The following EPM2A variants were observed in gnomAD, a reference collection of about 807,000 sequenced individuals.
The protein encoded by EPM2A is EPM2A glucan phosphatase, laforin.
In EPM2A, 21 loss-of-function variants were observed where a neutral mutation model predicts 26.5. The ratio of observed to expected loss-of-function variants is 0.79; its 90% CI spans 0.56 to 1.14. The LOEUF is 1.14. Ranked by LOEUF, EPM2A falls within the 50% of genes most tolerant of loss-of-function variation. EPM2A has a pLI of 0.00. For missense variants in EPM2A, 458 were observed against 440.8 expected (o/e 1.04, Z -0.35); for synonymous variants, 217 against 177.6 (o/e 1.22, Z -1.76).
downstream of EPM2A, among the ~76,000 whole-genome samples, chr6:145,624,754 CTCCTT>C (rs780555496): frequency 3.4e-4 from 51 of 152,188 alleles, no homozygotes; most frequent in Non-Finnish European, 6.0e-4. Flanking sequence ...TTTCAAATCT[CTCCTT>C]TCATTACTTT....
At chr6:145,630,929 G>A (rs1582921980) in intron 3 of EPM2A, 1 of 152,322 alleles carries the variant, frequency 6.6e-6, no homozygotes, top group African/African-American at 2.4e-5. Context: ...AACTCAGCCA[G>A]TGTGACTCTG....
At chr6:145,565,130 A>T (rs1051727087) in intron 2 of EPM2A, among the ~76,000 whole-genome samples, 2 of 152,050 alleles carry the variant, frequency 1.3e-5, no homozygotes, top group Non-Finnish European at 2.9e-5. Context: ...TGCTTTGTGG[A>T]GTGTCTCTTC....
chr6:145,688,407 T>C (rs1448768513), intron 1 of EPM2A, among the ~76,000 whole-genome samples: 1 of 152,172 alleles, frequency 6.6e-6, no homozygotes, highest in Non-Finnish European at 1.5e-5. Flanking sequence ...CAATGCCTCT[T>C]AAGCTTCTAG....
At chr6:145,627,874 C>T in intron 3 of EPM2A, 181 bp from the exon 4 acceptor site, 4 of 832,578 alleles carry the variant, frequency 4.8e-6, no homozygotes, top group African/African-American at 1.7e-5. Context: ...CTGCTAATAG[C>T]AAAGTGGAAA....
At chr6:145,615,199 T>C (rs551537869) in intron 2 of EPM2A, among the ~76,000 whole-genome samples, 1 of 152,150 alleles carries the variant, frequency 6.6e-6, no homozygotes, top group South Asian at 2.1e-4. Context: ...CAGTGGGAGG[T>C]AACTGAATCA....
Position 145,697,553 on chromosome 6 carries a change from T to C in EPM2A, c.302-11257A>G, listed in dbSNP as rs139232298. Among the ~76,000 whole-genome samples the C allele has an allele frequency of 5.4e-3, 819 of 152,224 alleles. 43 individuals carry two copies. The East Asian group carries it at 0.12, about 23-fold the overall frequency. On this transcript the variant is annotated intron_variant, in intron 1 of 3. Coordinates refer to ENST00000367519, the MANE Select transcript of EPM2A (RefSeq NM_005670.4). ...CGTCCTAATAAGCCTGGGAGCACTA[T>C]GGGAGACTGGGGTTTATTTCATCCC...
At chr6:145,679,174 C>G (rs1036375745) in intron 2 of EPM2A, among the ~76,000 whole-genome samples, 1 of 150,872 alleles carries the variant, frequency 6.6e-6, no homozygotes, top group African/African-American at 2.4e-5. Context: ...TTTCTGTGAA[C>G]TGCACGTTCA....
chr6:145,484,661 G>C lies in EPM2A; in HGVS notation c.555+17861C>G, dbSNP rs1213862097. 3.3e-5 allele frequency among the ~76,000 whole-genome samples: 5 copies of C among 151,968 alleles called. No individual in the cohort carries two copies. The East Asian group carries it at 7.7e-4, about 24-fold the overall frequency. ...AAAGACAGACATAAATCACTGGATT[G>C]TTCAGAGGATTAATAAAAACAAATA... On this transcript the variant is annotated intron_variant, in intron 4 of 4. Transcript: ENST00000638717.
intron 2 of EPM2A, among the ~76,000 whole-genome samples, chr6:145,606,271 T>C (rs1038699914): frequency 9.2e-5 from 14 of 152,116 alleles, no homozygotes; most frequent in African/African-American, 3.4e-4. Context: ...TGGCATTTCT[T>C]AACTGTTTAT....
intron 2 of EPM2A, among the ~76,000 whole-genome samples, chr6:145,587,221 CTCATTTGAAAGAAGCATTGTCA>C (rs1474426836): frequency 6.6e-6 from 1 of 152,042 alleles, no homozygotes; most frequent in Non-Finnish European, 1.5e-5. Context: ...TTGGAGATGC[CTCATTTGAAAGAAGCATTGTCA>C]TCCTAACATG....
At chr6:145,542,109 A>G (rs1395522130) in intron 2 of EPM2A, among the ~76,000 whole-genome samples, 1 of 152,230 alleles carries the variant, frequency 6.6e-6, no homozygotes, top group East Asian at 1.9e-4. Flanking sequence ...TGAGTTAGAA[A>G]GTCAAAAGTC....
intron 4 of EPM2A, among the ~76,000 whole-genome samples, chr6:145,386,104 T>TA (rs779435380): frequency 1.3e-3 from 195 of 151,806 alleles, no homozygotes; most frequent in Non-Finnish European, 2.1e-3. Flanking sequence ...TTTAAAATAA[T>TA]AAAAAAAAGA....
chr6:145,413,981 A>AT, intron 4 of EPM2A, among the ~76,000 whole-genome samples: 1 of 151,914 alleles, frequency 6.6e-6, no homozygotes, highest in Non-Finnish European at 1.5e-5. Flanking sequence ...TTAGAGATGG[A>AT]TTGAGTGGGA....
Position 145,706,618 on chromosome 6 carries a change from C to T in EPM2A, c.302-20322G>A, listed in dbSNP as rs1284175573. On this transcript the variant is annotated intron_variant, in intron 1 of 3. Coordinates refer to ENST00000367519, the MANE Select transcript of EPM2A (RefSeq NM_005670.4). ...AAACAGAGCAACTATACCTACAATGCACTAAAAGACCATGGCAGACAACAC... is the reference window on the plus strand; with the variant it reads ...AAACAGAGCAACTATACCTACAATGTACTAAAAGACCATGGCAGACAACAC... Among the ~76,000 whole-genome samples the T allele has an allele frequency of 2.6e-5, 4 of 152,106 alleles. No homozygotes were observed. In the East Asian group the frequency reaches 7.7e-4, roughly 29 times the overall value.
intron 2 of EPM2A, among the ~76,000 whole-genome samples, chr6:145,537,467 G>T (rs149417133): frequency 6.6e-6 from 1 of 151,942 alleles, no homozygotes; most frequent in Non-Finnish European, 1.5e-5. Flanking sequence ...ACTAGGAAAT[G>T]GCCTAGAAGT....
rs193089920 is a variant in EPM2A, at chr6:145,437,569, C to A, written c.556-53472G>T. Among the ~76,000 whole-genome samples the A allele has an allele frequency of 3.1e-3, 478 of 152,278 alleles. 3 individuals are homozygous for A. Among genetic ancestry groups the A allele is most frequent in the African/African-American group, 0.011 (459 of 41,550 alleles). ...CAAGAATCAGTTGAAAATGTTGCCA[C>A]CTCATTGGCATTATTTTGGCTGCTC... On this transcript the variant is annotated intron_variant, in intron 4 of 4. Transcript: ENST00000638717.
intron 2 of EPM2A, among the ~76,000 whole-genome samples, chr6:145,551,414 A>T (rs1780653993): frequency 6.6e-6 from 1 of 152,052 alleles, no homozygotes; most frequent in Non-Finnish European, 1.5e-5. Flanking sequence ...AGCAGTAGAA[A>T]AATTCCAATG....
chr6:145,586,131 T>A (rs1781193142), intron 2 of EPM2A, among the ~76,000 whole-genome samples: 1 of 152,202 alleles, frequency 6.6e-6, no homozygotes, highest in Admixed American at 6.5e-5. Context: ...CCTTCCCGGG[T>A]TACAGCCTAG....
chr6:145,623,674 T>C (rs1327909582), downstream of EPM2A, among the ~76,000 whole-genome samples: 1 of 152,142 alleles, frequency 6.6e-6, no homozygotes, highest in Non-Finnish European at 1.5e-5. Flanking sequence ...TACATTTTTA[T>C]CAAAGCATCC....
Sources: allele counts gnomAD v4.1 joint callset (sites outside exome capture counted in the v4.1 genomes callset), GRCh38; gene constraint gnomAD v4.1.1; transcripts MANE v1.5; gene names NCBI Gene and HGNC (gene_info 2026-07-23, HGNC 2026-07-21).